The following NALF1 variants were observed in gnomAD, a reference collection of about 807,000 sequenced individuals.
NALF1 encodes family with sequence similarity 155 member A.
NALF1 carries 3 observed loss-of-function variants against 48.4 expected under a neutral mutation model. The observed-to-expected ratio is 0.06, with a 90% CI of 0.03 to 0.16. NALF1 has a LOEUF of 0.16. Ranked by LOEUF, NALF1 falls within the 10% of genes least tolerant of loss-of-function variation. NALF1 has a pLI of 1.00. For missense variants in NALF1, 526 were observed against 571.5 expected (o/e 0.92, Z 0.81); for synonymous variants, 262 against 245.7 (o/e 1.07, Z -0.62).
chr13:107,665,498 A>G (rs1476733875), intron 1 of NALF1, among the ~76,000 whole-genome samples: 1 of 152,134 alleles, frequency 6.6e-6, no homozygotes, highest in Non-Finnish European at 1.5e-5. Flanking sequence ...TTAAAGACAA[A>G]TTTGTCAGTC....
intron 1 of NALF1, among the ~76,000 whole-genome samples, chr13:107,553,917 C>A (rs757141333): frequency 3.5e-4 from 53 of 152,308 alleles, no homozygotes; most frequent in South Asian, 1.0e-3. Context: ...CTGGCAAAGT[C>A]CACATCGTCT....
chr13:107,842,201 C>G (rs1378470404), intron 1 of NALF1, among the ~76,000 whole-genome samples: 3 of 151,736 alleles, frequency 2.0e-5, no homozygotes, highest in African/African-American at 7.3e-5. Context: ...CATATACTCA[C>G]AGATATCAGA....
intron 1 of NALF1, among the ~76,000 whole-genome samples, chr13:107,314,724 A>G (rs1882111641): frequency 6.6e-6 from 1 of 152,102 alleles, no homozygotes; most frequent in South Asian, 2.1e-4. Context: ...TCACCCATTT[A>G]TGTTCCCCAT....
chr13:107,388,455 G>C (rs1169889041), intron 1 of NALF1, among the ~76,000 whole-genome samples: 2 of 152,096 alleles, frequency 1.3e-5, no homozygotes, highest in Non-Finnish European at 2.9e-5. Flanking sequence ...TCATATGTTT[G>C]TCCCAACACT....
At chr13:107,499,929 C>T (rs563309072) in intron 1 of NALF1, among the ~76,000 whole-genome samples, 7 of 152,212 alleles carry the variant, frequency 4.6e-5, no homozygotes, top group African/African-American at 1.7e-4. Context: ...TGAGGGAACT[C>T]ATTATCTTTA....
At chr13:107,862,161 G>A in intron 1 of NALF1, among the ~76,000 whole-genome samples, 1 of 152,126 alleles carries the variant, frequency 6.6e-6, no homozygotes, top group East Asian at 1.9e-4. Flanking sequence ...AACTGTTTGA[G>A]GGAATAGTAA....
At chr13:107,776,752 G>C (rs1004073130) in intron 1 of NALF1, among the ~76,000 whole-genome samples, 1 of 152,190 alleles carries the variant, frequency 6.6e-6, no homozygotes, top group Non-Finnish European at 1.5e-5. Context: ...TGATGTAAAT[G>C]CTGCAATATA....
At chr13:107,753,394 T>C (rs1876994428) in intron 1 of NALF1, among the ~76,000 whole-genome samples, 1 of 152,112 alleles carries the variant, frequency 6.6e-6, no homozygotes, top group Non-Finnish European at 1.5e-5. Flanking sequence ...TCTAAATCAC[T>C]TGTGAAATTT....
intron 1 of NALF1, among the ~76,000 whole-genome samples, chr13:107,790,235 G>A (rs1373763672): frequency 6.6e-6 from 1 of 151,990 alleles, no homozygotes; most frequent in African/African-American, 2.4e-5. Context: ...ATACAACTTG[G>A]CTAAAATAAA....
chr13:107,729,947 T>C (rs2138534857), intron 1 of NALF1, among the ~76,000 whole-genome samples: 1 of 152,318 alleles, frequency 6.6e-6, no homozygotes, highest in Non-Finnish European at 1.5e-5. Context: ...GTGTCTCCTC[T>C]TTGCAATGTA....
At chr13:107,519,523 G>A (rs1051092409) in intron 1 of NALF1, among the ~76,000 whole-genome samples, 1 of 152,166 alleles carries the variant, frequency 6.6e-6, no homozygotes, top group Non-Finnish European at 1.5e-5. Flanking sequence ...ACAGCACTCA[G>A]TCCATGGTTT....
In NALF1 at chr13:107,836,834, G is replaced by A. The variant is rs117535760; in HGVS notation, c.915+28848C>T. On this transcript the variant is annotated intron_variant, in intron 1 of 2. Transcript: ENST00000375915. ...TCTTTATGAATGTCACTAACATTAG[G>A]TGATGTTATTCACAGCCCTTATAAG... 2.1e-3 allele frequency among the ~76,000 whole-genome samples: 320 copies of A among 152,228 alleles called. 3 individuals carry two copies. The highest frequency in any genetic ancestry group is 0.018 in the East Asian group (94 of 5,170).
At chr13:107,560,373 G>T (rs1409701396) in intron 1 of NALF1, among the ~76,000 whole-genome samples, 2 of 151,906 alleles carry the variant, frequency 1.3e-5, no homozygotes, top group African/African-American at 4.8e-5. Context: ...AAATACCCAA[G>T]GACTTGTCTG....
intron 1 of NALF1, among the ~76,000 whole-genome samples, chr13:107,443,010 A>G (rs1339478502): frequency 6.6e-6 from 1 of 152,124 alleles, no homozygotes; most frequent in Non-Finnish European, 1.5e-5. Flanking sequence ...TTTTAAAATA[A>G]AAGTTACTGG....
intron 1 of NALF1, among the ~76,000 whole-genome samples, chr13:107,726,744 GGA>G (rs748258163): frequency 1.9e-3 from 286 of 151,726 alleles, no homozygotes; most frequent in Non-Finnish European, 3.1e-3. Context: ...TGAGTAGCTA[GGA>G]CTACAAGGCA....
chr13:107,715,601 G>A (rs1324638997), intron 1 of NALF1, among the ~76,000 whole-genome samples: 1 of 152,180 alleles, frequency 6.6e-6, no homozygotes, highest in Non-Finnish European at 1.5e-5. Flanking sequence ...TCAGATTCAT[G>A]TGATGAGCCG....
intron 1 of NALF1, among the ~76,000 whole-genome samples, chr13:107,784,467 T>C (rs2138581619): frequency 6.6e-6 from 1 of 152,288 alleles, no homozygotes; most frequent in South Asian, 2.1e-4. Context: ...TCTTAAAGTG[T>C]CACAGATGAA....
chr13:107,557,606 G>T (rs1409017369), intron 1 of NALF1, among the ~76,000 whole-genome samples: 1 of 152,080 alleles, frequency 6.6e-6, no homozygotes, highest in African/African-American at 2.4e-5. Context: ...AACTGATAAT[G>T]GTCATTTCTC....
At chr13:107,841,162 T>A (rs1468008965) in intron 1 of NALF1, among the ~76,000 whole-genome samples, 1 of 152,194 alleles carries the variant, frequency 6.6e-6, no homozygotes, top group Non-Finnish European at 1.5e-5. Context: ...TTAAAATTTG[T>A]TAAATCATGC....
Sources: gnomAD v4.1 joint callset for allele counts (sites outside exome capture counted in the v4.1 genomes callset) on GRCh38, gnomAD v4.1.1 for gene constraint, MANE v1.5 for transcripts, NCBI Gene and HGNC (gene_info 2026-07-23, HGNC 2026-07-21) for gene names.